Variants in RGS8 observed in about 807,000 individuals in gnomAD.
RGS8 encodes regulator of G-protein signaling 8.
In RGS8, 8 loss-of-function variants were observed where a neutral mutation model predicts 21.7. The observed-to-expected ratio is 0.37, with a 90% CI of 0.22 to 0.66. The LOEUF (loss-of-function observed/expected upper bound fraction) is 0.66. RGS8 is among the 30% of genes least tolerant of loss of function. The probability of loss-of-function intolerance (pLI) is 0.59; values close to 1 mark genes in which losing one functional copy is unlikely to be tolerated. For synonymous variants in RGS8, 80 were observed against 83.6 expected, an observed-to-expected ratio of 0.96 and a Z score of 0.24; for missense variants, 157 against 217.9, an observed-to-expected ratio of 0.72 and a Z score of 1.76.
At chr1:182,674,132 C>T (rs556317634), upstream of RGS8, among the ~76,000 whole-genome samples, 1 of 152,194 alleles carries the variant, frequency 6.6e-6, no homozygotes, top group Non-Finnish European at 1.5e-5. Flanking sequence ...AGGACACTTT[C>T]TACCAGCACT....
At chr1:182,711,646 A>G in the RGS8 span, among the ~76,000 whole-genome samples, 2 of 152,192 alleles carry the variant, frequency 1.3e-5, no homozygotes, top group Admixed American at 1.3e-4. Flanking sequence ...ACTGTGGAAC[A>G]ATTCAGCCAA....
chr1:182,741,748 G>T, the RGS8 span, among the ~76,000 whole-genome samples: 2 of 108,194 alleles, frequency 1.8e-5, no homozygotes, highest in East Asian at 2.6e-4. Flanking sequence ...TGGCTGGGCG[G>T]GGGGCTGACC....
upstream of RGS8, among the ~76,000 whole-genome samples, chr1:182,675,802 C>A (rs140932928): frequency 1.3e-5 from 2 of 152,292 alleles, no homozygotes; most frequent in African/African-American, 4.8e-5. Context: ...TGACAGCCCA[C>A]ATCACAGGCA....
exon 7 of RGS8, chr1:182,646,592 T>A (rs760890118): frequency 1.7e-5 from 12 of 699,276 alleles, no homozygotes; most frequent in Non-Finnish European, 2.6e-5. Flanking sequence ...TACTTTGGAA[T>A]GGCCCTTCAT....
At chr1:182,742,614 C>G in the RGS8 span, among the ~76,000 whole-genome samples, 2 of 152,224 alleles carry the variant, frequency 1.3e-5, no homozygotes, top group Non-Finnish European at 2.9e-5. Context: ...TGGCGCGCGC[C>G]TGCAATCGCA....
intron 3 of RGS8, among the ~76,000 whole-genome samples, chr1:182,667,819 G>A (rs577049993): frequency 4.6e-5 from 7 of 151,290 alleles, no homozygotes; most frequent in Admixed American, 1.3e-4. Context: ...ATTAGTCTCC[G>A]TTTACCACTT....
chr1:182,730,468 G>GCAAA, the RGS8 span, among the ~76,000 whole-genome samples: 1 of 152,040 alleles, frequency 6.6e-6, no homozygotes, highest in Non-Finnish European at 1.5e-5. Flanking sequence ...CCAGTACTTT[G>GCAAA]GGAGGCCAAA....
chr1:182,663,882 G>T (rs997552963), intron 5 of RGS8, among the ~76,000 whole-genome samples: 55 of 151,692 alleles, frequency 3.6e-4, no homozygotes, highest in Non-Finnish European at 1.5e-5. Flanking sequence ...TGTTGCCCAG[G>T]CTGGCCTTGA....
At chr1:182,669,565 A>G in intron 3 of RGS8, 59 bp downstream of exon 4, 1 of 1,613,192 alleles carries the variant, frequency 6.2e-7, no homozygotes, top group Non-Finnish European at 8.5e-7. Flanking sequence ...AGAGGGTGTG[A>G]CAAGGTGGAG....
intron 5 of RGS8, among the ~76,000 whole-genome samples, chr1:182,653,991 G>A (rs566388833): frequency 4.3e-5 from 6 of 140,108 alleles, no homozygotes; most frequent in Middle Eastern, 3.5e-3. Context: ...TTTAGGATGC[G>A]GGGCAAGGAA....
At chr1:182,669,663 T>G (rs1664055328) in exon 3 of RGS8, 3 of 1,614,220 alleles carry the variant, frequency 1.9e-6, no homozygotes, top group South Asian at 1.1e-5. Context: ...GGCATCAGCT[T>G]ACGGTTAACC....
the RGS8 span, among the ~76,000 whole-genome samples, chr1:182,740,544 GTTTGTT>G: frequency 0.071 from 7,258 of 102,362 alleles, 165 homozygotes; most frequent in East Asian, 0.11. Flanking sequence ...TTTTTTGTTT[GTTTGTT>G]TTTTTTTTTT....
At chr1:182,688,126 A>G (rs1664746357), upstream of RGS8, among the ~76,000 whole-genome samples, 1 of 152,232 alleles carries the variant, frequency 6.6e-6, no homozygotes, top group Non-Finnish European at 1.5e-5. Context: ...TGTTCTTAGG[A>G]TAAGAAGATC....
the RGS8 span, among the ~76,000 whole-genome samples, chr1:182,719,379 T>C: frequency 6.6e-6 from 1 of 151,698 alleles, no homozygotes; most frequent in Non-Finnish European, 1.5e-5. Flanking sequence ...GTAGGAAAAA[T>C]AGGATGCCTA....
intron 1 of RGS8, among the ~76,000 whole-genome samples, chr1:182,679,085 CTATCTT>C (rs1275155501): frequency 6.6e-6 from 1 of 152,166 alleles, no homozygotes; most frequent in Non-Finnish European, 1.5e-5. Context: ...TTTATGAACT[CTATCTT>C]TATTTTCTCT....
the RGS8 span, among the ~76,000 whole-genome samples, chr1:182,741,677 T>C: frequency 9.8e-6 from 1 of 102,136 alleles, no homozygotes; most frequent in Non-Finnish European, 2.1e-5. Context: ...GCAGAGGGGC[T>C]CCTCACTTCC....
At chr1:182,734,310 A>T in the RGS8 span, 1 of 152,208 alleles carries the variant, frequency 6.6e-6, no homozygotes, top group Non-Finnish European at 1.5e-5. Context: ...TGCGGGTTTT[A>T]ATTGACTGGA....
At chr1:182,742,747 G>GAGGGACAGGGAC in the RGS8 span, among the ~76,000 whole-genome samples, 46,059 of 150,278 alleles carry the variant, frequency 0.31, 7,493 homozygotes, top group Non-Finnish European at 0.35. Flanking sequence ...GGGAGAGGGA[G>GAGGGACAGGGAC]AGGGACAGGG....
At chr1:182,721,044 T>TATAC in the RGS8 span, among the ~76,000 whole-genome samples, 950 of 48,820 alleles carry the variant, frequency 0.019, 72 homozygotes, top group Non-Finnish European at 0.03. Flanking sequence ...TATATACATA[T>TATAC]ACATACATAT....
Sources: allele counts gnomAD v4.1 joint callset (sites outside exome capture counted in the v4.1 genomes callset), GRCh38; gene constraint gnomAD v4.1.1; transcripts MANE v1.5; gene names NCBI Gene and HGNC (gene_info 2026-07-23, HGNC 2026-07-21).